ZFAND3: variants seen among roughly 807,000 people sequenced by gnomAD.
The protein encoded by ZFAND3 is AN1-type zinc finger protein 3.
In ZFAND3, 10 loss-of-function variants were observed where a neutral mutation model predicts 29.6. That is an observed-to-expected ratio of 0.34 (90% CI 0.21 to 0.57). The LOEUF (loss-of-function observed/expected upper bound fraction) is 0.57, where lower values mean the gene tolerates loss of function less well. Among genes scored for constraint, ZFAND3 ranks in the 20% least tolerant of loss-of-function variants. The probability of loss-of-function intolerance (pLI) is 0.86; values close to 1 mark genes in which losing one functional copy is unlikely to be tolerated. For missense variants in ZFAND3, 230 were observed against 304.5 expected, an observed-to-expected ratio of 0.76 and a Z score of 1.82; for synonymous variants, 128 against 112.6, an observed-to-expected ratio of 1.14 and a Z score of -0.87.
intron 1 of ZFAND3, among the ~76,000 whole-genome samples, chr6:37,920,073 T>TG (rs1554158485): frequency 1.6e-5 from 2 of 127,174 alleles, no homozygotes; most frequent in African/African-American, 3.4e-5. Flanking sequence ...TTTTTTTTTT[T>TG]GGCCCTTGTT....
chr6:38,064,366 A>G (rs531943195), intron 3 of ZFAND3, among the ~76,000 whole-genome samples: 2 of 152,236 alleles, frequency 1.3e-5, no homozygotes, highest in East Asian at 1.9e-4. Flanking sequence ...TGATAACCCA[A>G]TGAGGTAGAT....
intron 2 of ZFAND3, among the ~76,000 whole-genome samples, chr6:37,972,447 G>A (rs189545146): frequency 2.7e-4 from 41 of 152,324 alleles, no homozygotes; most frequent in Admixed American, 2.5e-3. Context: ...TGTGGTGTTA[G>A]AATAACAGAT....
Position 37,819,942 on chromosome 6 carries a change from C to T in ZFAND3, c.-4C>T, listed in dbSNP as rs1763629027. 3.3e-6 allele frequency: 4 copies of T among 1,212,914 alleles called. No individual in the cohort carries two copies. The highest frequency in any genetic ancestry group is 4.1e-6 in the Non-Finnish European group (4 of 975,610). The allele number at this position is 1,212,914 out of a possible 1,614,324, so 75.1% of individuals were successfully genotyped here. ...GCCGCCGAGCTCCGCCGCCGCCGAG[C>T]ACCATGGGAGACGCTGGGAGCGAGC... On this transcript the variant is annotated 5_prime_UTR_variant, in exon 1 of 6. Transcript: ENST00000287218.
At chr6:37,946,789 C>G (rs1055932669) in intron 2 of ZFAND3, among the ~76,000 whole-genome samples, 1 of 152,136 alleles carries the variant, frequency 6.6e-6, no homozygotes, top group African/African-American at 2.4e-5. Context: ...ACAAAAAGAA[C>G]AAATACTATT....
In ZFAND3 at chr6:38,035,407, A is replaced by G. The variant is rs527846857; in HGVS notation, c.113-26186A>G. On this transcript the variant is annotated intron_variant, in intron 2 of 5. Coordinates refer to ENST00000287218, the MANE Select transcript of ZFAND3 (RefSeq NM_021943.3). ...ATTCAGGACGTGTCTCACGGTTTCT[A>G]AGCAACCAAGATAATACATATATAA... 2.0e-5 allele frequency among the ~76,000 whole-genome samples: 3 copies of G among 152,278 alleles called. No homozygotes were observed. The South Asian group carries it at 6.2e-4, about 32-fold the overall frequency.
intron 2 of ZFAND3, among the ~76,000 whole-genome samples, chr6:38,051,637 C>T (rs761785605): frequency 2.7e-4 from 41 of 152,110 alleles, no homozygotes; most frequent in Non-Finnish European, 4.6e-4. Context: ...TCAGCTTTAC[C>T]CAGTTTTTCC....
intron 4 of ZFAND3, among the ~76,000 whole-genome samples, chr6:38,101,755 A>G (rs1765096937): frequency 7.0e-6 from 1 of 142,336 alleles, no homozygotes; most frequent in Admixed American, 7.3e-5. Context: ...GCCTGGCAAC[A>G]GAGCGAGACT....
At chr6:37,954,209 T>A (rs572261887) in intron 2 of ZFAND3, among the ~76,000 whole-genome samples, 1 of 136,126 alleles carries the variant, frequency 7.3e-6, no homozygotes, top group African/African-American at 2.6e-5. Flanking sequence ...AATTTTCTCT[T>A]TCCTATGCTT....
At chr6:38,041,702 C>T (rs6932838) in intron 2 of ZFAND3, among the ~76,000 whole-genome samples, 4,084 of 6,746 alleles carry the variant, frequency 0.61, 790 homozygotes, top group East Asian at 0.76. Context: ...TCCTTCTCCT[C>T]CTCCTCCTCC....
intron 2 of ZFAND3, among the ~76,000 whole-genome samples, chr6:38,018,942 A>C (rs1167721950): frequency 1.3e-5 from 2 of 152,056 alleles, no homozygotes; most frequent in African/African-American, 4.8e-5. Flanking sequence ...GCAGAGAAGA[A>C]ACTTTTTATT....
At chr6:38,144,507 A>G (rs974261861) in intron 5 of ZFAND3, among the ~76,000 whole-genome samples, 10 of 152,184 alleles carry the variant, frequency 6.6e-5, no homozygotes, top group African/African-American at 2.4e-4. Context: ...TGCTGCGCCC[A>G]GCACAGGCTA....
intron 2 of ZFAND3, among the ~76,000 whole-genome samples, chr6:38,055,089 C>T (rs1433950197): frequency 6.6e-6 from 1 of 152,062 alleles, no homozygotes; most frequent in African/African-American, 2.4e-5. Context: ...TTAAAGGAGA[C>T]CTTTATACAG....
At chr6:38,117,256 C>CTT (rs35684874) in intron 5 of ZFAND3, among the ~76,000 whole-genome samples, 8,767 of 96,130 alleles carry the variant, frequency 0.091, 727 homozygotes, top group Non-Finnish European at 0.12. Context: ...TTGAAATAGC[C>CTT]TTTTTTTTTT....
chr6:37,934,804 A>AT (rs1478865301), intron 2 of ZFAND3, among the ~76,000 whole-genome samples: 1 of 128,986 alleles, frequency 7.8e-6, no homozygotes, highest in Non-Finnish European at 1.6e-5. Flanking sequence ...GTGCCACTGC[A>AT]TTCCAGCCTG....
intron 3 of ZFAND3, among the ~76,000 whole-genome samples, chr6:38,077,024 G>A (rs1764567455): frequency 6.6e-6 from 1 of 152,006 alleles, no homozygotes; most frequent in African/African-American, 2.4e-5. Context: ...ATTTTTTGAA[G>A]ATAATTTTAC....
intron 4 of ZFAND3, among the ~76,000 whole-genome samples, chr6:38,110,836 C>T (rs1765301651): frequency 6.6e-6 from 1 of 152,144 alleles, no homozygotes; most frequent in African/African-American, 2.4e-5. Flanking sequence ...GTACGGAGGC[C>T]TAAAAGCCTG....
At chr6:38,144,191 A>ATATATAT (rs1766030908) in intron 5 of ZFAND3, among the ~76,000 whole-genome samples, 7 of 41,808 alleles carry the variant, frequency 1.7e-4, no homozygotes, top group African/African-American at 8.3e-4. Context: ...TATAATATAT[A>ATATATAT]TATATATATA....
intron 2 of ZFAND3, among the ~76,000 whole-genome samples, chr6:37,988,169 G>A (rs1762701841): frequency 1.3e-5 from 2 of 152,156 alleles, no homozygotes; most frequent in South Asian, 4.1e-4. Context: ...CTATAGTAAC[G>A]TTATCTTTGC....
At chr6:37,847,643 A>G (rs893045158) in intron 1 of ZFAND3, among the ~76,000 whole-genome samples, 1 of 152,160 alleles carries the variant, frequency 6.6e-6, no homozygotes, top group Non-Finnish European at 1.5e-5. Context: ...ATTCTCCATA[A>G]TATGATACAT....
Sources: allele counts gnomAD v4.1 joint callset (sites outside exome capture counted in the v4.1 genomes callset), GRCh38; gene constraint gnomAD v4.1.1; transcripts MANE v1.5; gene names NCBI Gene and HGNC (gene_info 2026-07-23, HGNC 2026-07-21).